The following NIBAN2 variants were observed in gnomAD, a reference collection of about 807,000 sequenced individuals.
The protein encoded by NIBAN2 is protein Niban 2.
Under a neutral mutation model 81.8 loss-of-function variants are expected in NIBAN2, and 36 were observed. The ratio of observed to expected loss-of-function variants is 0.44; its 90% CI spans 0.34 to 0.58. The LOEUF (loss-of-function observed/expected upper bound fraction) is 0.58, where lower values mean the gene tolerates loss of function less well. NIBAN2 is among the 20% of genes least tolerant of loss of function. The pLI, the probability that NIBAN2 is intolerant of heterozygous loss-of-function variation, is 0.02. For synonymous variants in NIBAN2, 445 were observed against 441.6 expected (o/e 1.01, Z -0.10); for missense variants, 897 against 1,014.1 (o/e 0.88, Z 1.57).
chr9:127,529,187 T>G (rs960477169), intron 2 of NIBAN2, among the ~76,000 whole-genome samples: 1 of 152,210 alleles, frequency 6.6e-6, no homozygotes, highest in Non-Finnish European at 1.5e-5. Flanking sequence ...CAAGGTCAGA[T>G]AACTGGAACT....
At chr9:127,571,428 T>TC (rs1837944666), upstream of NIBAN2, among the ~76,000 whole-genome samples, 1 of 152,076 alleles carries the variant, frequency 6.6e-6, no homozygotes, top group Non-Finnish European at 1.5e-5. Context: ...CCGGGCGCAA[T>TC]GGCTCACGCC....
chr9:127,531,604 C>A, intron 2 of NIBAN2, 44 bp downstream of exon 2: 1 of 1,588,086 alleles, frequency 6.3e-7, no homozygotes, highest in Non-Finnish European at 8.6e-7. Context: ...GGCCACATGG[C>A]GAGAAGTAGC....
chr9:127,548,092 C>G (rs1837507347), intron 1 of NIBAN2, among the ~76,000 whole-genome samples: 1 of 152,142 alleles, frequency 6.6e-6, no homozygotes, highest in South Asian at 2.1e-4. Context: ...ATGTTTCACG[C>G]CACGCAATGG....
intron 1 of NIBAN2, among the ~76,000 whole-genome samples, chr9:127,561,577 G>T (rs1837775207): frequency 6.6e-6 from 1 of 152,174 alleles, no homozygotes. Context: ...GCAGAGCCAG[G>T]ACTCAAACCC....
intron 5 of NIBAN2, 116 bp from the exon 6 acceptor site, chr9:127,518,057 G>T: frequency 1.6e-6 from 1 of 625,528 alleles, no homozygotes; most frequent in Non-Finnish European, 2.8e-6. Context: ...CCTCAGGAGG[G>T]GCAGCTGGGA....
At position 127,538,390 on chromosome 9, in the gene NIBAN2, A is replaced by C. The variant is rs76308791; in HGVS notation, c.56-6612T>G. Among the ~76,000 whole-genome samples the C allele has an allele frequency of 3.3e-4, 50 of 152,274 alleles. 1 individual carries two copies. The highest frequency in any genetic ancestry group is 1.2e-3 in the African/African-American group (49 of 41,564). ...GGTATTAGTATCCCATCTGACAGAT[A>C]AGAAAAGTGAGACTCAGGCTAAACA... On this transcript the variant is annotated intron_variant, in intron 1 of 13. Coordinates refer to ENST00000373312, the MANE Select transcript of NIBAN2 (RefSeq NM_022833.4).
chr9:127,531,885 G>T, intron 1 of NIBAN2, 107 bp from the exon 2 acceptor site: 1 of 1,474,220 alleles, frequency 6.8e-7, no homozygotes, highest in South Asian at 1.2e-5. Context: ...CCTGCATGTG[G>T]AATTGTTTGC....
intron 1 of NIBAN2, among the ~76,000 whole-genome samples, chr9:127,542,529 C>T (rs991038800): frequency 6.6e-5 from 10 of 152,258 alleles, no homozygotes; most frequent in African/African-American, 2.2e-4. Context: ...TAAGCCCCCA[C>T]ACACCCCGGA....
In NIBAN2 at chr9:127,568,812, AC is replaced by A; in HGVS notation, c.55+7del. The A allele has an allele frequency of 7.4e-7, 1 of 1,344,244 alleles. No individual in the cohort carries two copies. The highest frequency in any genetic ancestry group is 9.6e-7 in the Non-Finnish European group (1 of 1,043,784). The allele number at this position is 1,344,244 out of a possible 1,614,324, so 83.3% of individuals were successfully genotyped here. On this transcript the variant is annotated splice_region_variant and intron_variant, in intron 1 of 13. Transcript: ENST00000373312. The stretch of plus-strand genomic sequence containing the variant: ...CCCTGGGCGCGCGTGGCGCGGCGCG[AC>A]CCTCACCTGCGATGTGCTGGCGCCG...
chr9:127,558,107 T>G (rs1211497995), intron 1 of NIBAN2, among the ~76,000 whole-genome samples: 1 of 152,118 alleles, frequency 6.6e-6, no homozygotes, highest in Non-Finnish European at 1.5e-5. Context: ...GAGGGGAGTG[T>G]GGCTTTGGCT....
chr9:127,570,509 A>G (rs1367347306), upstream of NIBAN2, among the ~76,000 whole-genome samples: 1 of 152,168 alleles, frequency 6.6e-6, no homozygotes, highest in African/African-American at 2.4e-5. Context: ...GGGTTAAATG[A>G]TATCACAAAG....
In NIBAN2 at chr9:127,507,091, G is replaced by A. The variant is rs776796459; in HGVS notation, c.1995C>T (p.Ser665=). 6 of 1,577,412 alleles carry A rather than the reference G, an allele frequency of 3.8e-6. No individual in the cohort carries two copies. In the South Asian group the frequency reaches 5.7e-5, roughly 15 times the overall value. The change falls in exon 14 of 14, where the codon AGC becomes AGT. Residue 665 remains serine, a synonymous_variant. Coordinates refer to ENST00000373312, the MANE Select transcript of NIBAN2 (RefSeq NM_022833.4). The surrounding 1 kb of genome is among the most constrained non-coding windows in gnomAD (Gnocchi z 6.8). ...TGAGCAGGGGGCCGGCTGGTGGGGG[G>A]CTCTCAGGCCGCAGACCTTGGGCCA... The part of the protein sequence containing the change: ...GLLAQGLRPE[S]PPPAGPLLNG...
At position 127,510,173 on chromosome 9, in the gene NIBAN2, G is replaced by C; in HGVS notation, c.1134C>G (p.Asn378Lys). 6.2e-7 allele frequency: 1 copy of C among 1,613,316 alleles called. No homozygotes were observed. Among genetic ancestry groups the C allele is most frequent in the Non-Finnish European group, 8.5e-7 (1 of 1,179,476 alleles). ...CGCCCAGCTTGTCAATGCCGCCCTC[G>C]TTGATGACGTTCAGGTTCATGTCCG... ...EVTDMNLNVI[N>K]EGGIDKLGEY... The change falls in exon 9 of 14, where the codon AAC becomes AAG. Residue 378 changes from asparagine (N) to lysine (K), a missense_variant. This residue lies in a region of NIBAN2 where 619 missense variants were observed against 691.0 expected (regional missense o/e 0.90). Transcript: ENST00000373312.
chr9:127,511,360 T>TTTA (rs1279221490), intron 8 of NIBAN2, among the ~76,000 whole-genome samples: 114 of 151,776 alleles, frequency 7.5e-4, no homozygotes, highest in African/African-American at 2.6e-3. Context: ...CATCAATACT[T>TTTA]TTATTATTAT....
chr9:127,541,070 C>G (rs1466975891), intron 1 of NIBAN2, among the ~76,000 whole-genome samples: 2 of 152,162 alleles, frequency 1.3e-5, no homozygotes, highest in Admixed American at 1.3e-4. Flanking sequence ...GTCCAGGGAC[C>G]AGCAGAGGCA....
At chr9:127,512,031 GAAGCTA>G (rs1446258132) in intron 8 of NIBAN2, among the ~76,000 whole-genome samples, 1 of 152,152 alleles carries the variant, frequency 6.6e-6, no homozygotes, top group Non-Finnish European at 1.5e-5. Context: ...CCAGAATTAC[GAAGCTA>G]AAGGGAAAAG....
At chr9:127,564,370 C>T (rs1837822497) in intron 1 of NIBAN2, among the ~76,000 whole-genome samples, 1 of 151,084 alleles carries the variant, frequency 6.6e-6, no homozygotes, top group African/African-American at 2.4e-5. Context: ...AGGGTTTGTA[C>T]CAGCAGGTTC....
intron 1 of NIBAN2, among the ~76,000 whole-genome samples, chr9:127,554,548 C>CTTTCTTTTTTT (rs1837632346): frequency 4.8e-5 from 5 of 103,702 alleles, no homozygotes; most frequent in African/African-American, 7.4e-5. Flanking sequence ...TTTTCTTTTT[C>CTTTCTTTTTTT]TTTTTTTTTT....
chr9:127,570,815 G>A (rs984247275), upstream of NIBAN2, among the ~76,000 whole-genome samples: 7 of 152,242 alleles, frequency 4.6e-5, no homozygotes, highest in African/African-American at 7.2e-5. Flanking sequence ...ATCAGGTGGA[G>A]TTGAAGTCAT....
Sources: allele counts gnomAD v4.1 joint callset (sites outside exome capture counted in the v4.1 genomes callset), GRCh38; gene constraint gnomAD v4.1.1; regional missense constraint gnomAD v4.1.1; non-coding constraint Gnocchi (gnomAD v3.1); transcripts MANE v1.5; gene names NCBI Gene and HGNC (gene_info 2026-07-23, HGNC 2026-07-21).